NHS: variants seen among roughly 807,000 people sequenced by gnomAD.
NHS encodes the protein actin remodeling regulator NHS.
NHS carries 5 observed loss-of-function variants against 72.5 expected under a neutral mutation model. The observed-to-expected ratio is 0.07, with a 90% confidence interval of 0.04 to 0.14. The LOEUF (loss-of-function observed/expected upper bound fraction) is 0.14. NHS is among the 10% of genes least tolerant of loss of function. The probability of loss-of-function intolerance (pLI) is 1.00; values close to 1 mark genes in which losing one functional copy is unlikely to be tolerated. For synonymous variants in NHS, 464 were observed against 547.7 expected, an observed-to-expected ratio of 0.85 and a Z score of 2.13; for missense variants, 1,072 against 1,355.7, an observed-to-expected ratio of 0.79 and a Z score of 3.29.
At chrX:17,584,028 C>A (rs1219578237) in intron 1 of NHS, among the ~76,000 whole-genome samples, 1 of 111,625 alleles carries the variant, frequency 9.0e-6, no homozygotes, top group Admixed American at 9.5e-5. Context: ...ATAGAGGAAG[C>A]CCTGATCGAA....
intron 1 of NHS, among the ~76,000 whole-genome samples, chrX:17,603,557 A>G (rs5955967): frequency 0.056 from 6,300 of 111,900 alleles, 410 homozygotes; most frequent in African/African-American, 0.19. Flanking sequence ...TCCAGAATCT[A>G]CAGCTTCTCA....
intron 1 of NHS, among the ~76,000 whole-genome samples, chrX:17,537,664 G>C (rs1223431030): frequency 2.7e-5 from 3 of 112,391 alleles, no homozygotes. Context: ...TGGCCTAGCA[G>C]TGACAGGAGA....
intron 1 of NHS, 21 bp from the exon 2 acceptor site, chrX:17,687,721 G>A (rs762927798): frequency 2.1e-5 from 23 of 1,097,777 alleles, no homozygotes; most frequent in South Asian, 1.8e-4. Context: ...GATGGACAAC[G>A]CCCTGTTTCT....
chrX:17,567,746 A>C (rs1471048932), intron 1 of NHS, among the ~76,000 whole-genome samples: 1 of 109,137 alleles, frequency 9.2e-6, no homozygotes, highest in East Asian at 2.9e-4. Flanking sequence ...AAGAGAGAGA[A>C]AGAGAGAAGG....
chrX:17,732,363 T>G lies in NHS; in HGVS notation c.4855T>G (p.Cys1619Gly). The change falls in exon 9 of 9, where the codon TGC becomes GGC. Residue 1619 changes from cysteine (C) to glycine (G), a missense_variant. Transcript: ENST00000676302. The stretch of plus-strand genomic sequence containing the variant: ...CAGCAGCAGCCGCTACAGTGTCCGC[T>G]GCCGGCTGTACAATACGCCCATGCA... Reference protein sequence around the residue: ...AASSSRYSVRCRLYNTPMQAI... With the variant: ...AASSSRYSVRGRLYNTPMQAI... The G allele has an allele frequency of 8.2e-7, 1 of 1,212,585 alleles. No individual in the cohort carries two copies. Among genetic ancestry groups the G allele is most frequent in the Non-Finnish European group, 1.1e-6 (1 of 895,714 alleles).
chrX:17,490,173 G>T (rs1291319983), intron 1 of NHS, among the ~76,000 whole-genome samples: 1 of 112,222 alleles, frequency 8.9e-6, no homozygotes. Context: ...CATTGCTTTT[G>T]GTGTTTTAGT....
At chrX:17,402,963 G>A (rs1341642621) in intron 1 of NHS, among the ~76,000 whole-genome samples, 1 of 112,084 alleles carries the variant, frequency 8.9e-6, no homozygotes, top group Non-Finnish European at 1.9e-5. Context: ...AACTTTCAGT[G>A]GCTGAACACA....
chrX:17,504,249 C>T (rs747037290), intron 1 of NHS, among the ~76,000 whole-genome samples: 3 of 111,614 alleles, frequency 2.7e-5, no homozygotes, highest in African/African-American at 9.8e-5. Context: ...TGCAGAGATG[C>T]GAAAGTTTTA....
At chrX:17,571,630 T>C (rs1398710919) in intron 1 of NHS, among the ~76,000 whole-genome samples, 2 of 112,105 alleles carry the variant, frequency 1.8e-5, no homozygotes, top group East Asian at 2.8e-4. Flanking sequence ...CCTGGATTCA[T>C]TGATTTTTTG....
At chrX:17,657,169 A>C (rs2065960681) in intron 1 of NHS, among the ~76,000 whole-genome samples, 1 of 112,642 alleles carries the variant, frequency 8.9e-6, no homozygotes, top group South Asian at 3.7e-4. Flanking sequence ...AGTGAGCCAA[A>C]GCTGGACTTG....
chrX:17,432,495 C>G (rs1422749239), intron 1 of NHS, among the ~76,000 whole-genome samples: 1 of 112,842 alleles, frequency 8.9e-6, no homozygotes, highest in Non-Finnish European at 1.9e-5. Context: ...GAGCAATCCA[C>G]TCTTCCTCTA....
At chrX:17,537,891 C>T (rs911814330) in intron 1 of NHS, among the ~76,000 whole-genome samples, 2 of 111,604 alleles carry the variant, frequency 1.8e-5, no homozygotes, top group Non-Finnish European at 3.8e-5. Context: ...TGAATTTGGG[C>T]AGTTGCTGAG....
rs1276132129 is a variant in NHS at position 17,477,888 on chromosome X, A to AT, written c.565+101572dup. Among the ~76,000 whole-genome samples the AT allele has an allele frequency of 3.6e-5, 4 of 111,842 alleles. No individual in the cohort carries two copies. In the East Asian group the frequency reaches 1.1e-3, roughly 32 times the overall value. On this transcript the variant is annotated intron_variant, in intron 1 of 8. Coordinates refer to ENST00000676302, the MANE Select transcript of NHS (RefSeq NM_001291867.2). The stretch of plus-strand genomic sequence containing the variant: ...TAGAGGAAGGCAAATTATTGTGGTC[A>AT]TTTTTTGCAAACAATCTACCATGGC...
intron 1 of NHS, among the ~76,000 whole-genome samples, chrX:17,494,349 G>C (rs1241072000): frequency 9.0e-6 from 1 of 111,681 alleles, no homozygotes. Flanking sequence ...AAAGTGCTGG[G>C]ATTACAGGAA....
At chrX:17,459,685 G>T (rs1420612798) in intron 1 of NHS, among the ~76,000 whole-genome samples, 1 of 110,844 alleles carries the variant, frequency 9.0e-6, no homozygotes, top group African/African-American at 3.3e-5. Context: ...GGCTATTGTT[G>T]TCCGTGTTTT....
At position 17,634,632 on chromosome X, in the gene NHS, G is replaced by T. The variant is rs369999921; in HGVS notation, c.566-53110G>T. ...AGGGTCCAGGATGGTTGCTGTTTGT[G>T]AAGTGGTTTGAGTATTCTTGCTATG... is the stretch of plus-strand genomic sequence containing the variant. On this transcript the variant is annotated intron_variant, in intron 1 of 8. Transcript: ENST00000676302. 4.8e-4 allele frequency among the ~76,000 whole-genome samples: 51 copies of T among 105,472 alleles called. No individual in the cohort carries two copies. In the East Asian group the frequency reaches 0.014, roughly 29 times the overall value. 91.6% of individuals were successfully genotyped at this position (105,472 alleles called of 115,157 possible). A position where few individuals can be genotyped will look rare whatever the true frequency, so the allele number is the denominator to read the frequency against.
chrX:17,389,491 G>A (rs1021894048), intron 1 of NHS, among the ~76,000 whole-genome samples: 11 of 111,936 alleles, frequency 9.8e-5, no homozygotes, highest in East Asian at 8.4e-4. Flanking sequence ...TGACATCATC[G>A]TGCTGGATTT....
chrX:17,479,250 T>C (rs1288725113), intron 1 of NHS, among the ~76,000 whole-genome samples: 1 of 112,810 alleles, frequency 8.9e-6, no homozygotes, highest in African/African-American at 3.2e-5. Flanking sequence ...TTTTTATGGC[T>C]ACATAGTATT....
intron 1 of NHS, among the ~76,000 whole-genome samples, chrX:17,413,614 C>T (rs956554879): frequency 1.8e-5 from 2 of 112,144 alleles, no homozygotes; most frequent in Non-Finnish European, 3.8e-5. Flanking sequence ...GAGAATCATG[C>T]TTTTCCAAAG....
Sources: allele counts gnomAD v4.1 joint callset (sites outside exome capture counted in the v4.1 genomes callset), GRCh38; gene constraint gnomAD v4.1.1; transcripts MANE v1.5; gene names NCBI Gene and HGNC (gene_info 2026-07-23, HGNC 2026-07-21).